Variants in BID observed in about 807,000 individuals in gnomAD.
BID encodes the protein BH3 interacting domain death agonist.
BID carries 19 observed loss-of-function variants against 17.4 expected under a neutral mutation model. That is an observed-to-expected ratio of 1.09 (90% CI 0.76 to 1.60). BID has a LOEUF of 1.60. BID is among the 40% of genes most tolerant of loss of function. BID has a pLI of 0.00. For synonymous variants in BID, 108 were observed against 102.8 expected, an observed-to-expected ratio of 1.05 and a Z score of -0.31; for missense variants, 226 against 256.0, an observed-to-expected ratio of 0.88 and a Z score of 0.80.
chr22:17,739,647 GGCTGAGTACCAGCGCTGA>G, intron 3 of BID, 159 bp from the exon 4 acceptor site: 1 of 993,286 alleles, frequency 1.0e-6, no homozygotes, highest in Non-Finnish European at 1.5e-6. Context: ...ACAGCGGGCG[GGCTGAGTACCAGCGCTGA>G]GCTGGGTTCT....
chr22:17,753,872 C>T (rs139038748), intron 1 of BID, among the ~76,000 whole-genome samples: 8 of 152,360 alleles, frequency 5.3e-5, no homozygotes, highest in African/African-American at 7.2e-5. Context: ...GGTGAGGTGC[C>T]GAGCCCTGCA....
intron 1 of BID, among the ~76,000 whole-genome samples, chr22:17,766,697 C>G (rs188766295): frequency 1.3e-5 from 2 of 152,136 alleles, no homozygotes; most frequent in Non-Finnish European, 2.9e-5. Flanking sequence ...TCACGCCATT[C>G]TCCTGCCTCA....
At position 17,741,566 on chromosome 22, in the gene BID, CG is replaced by C. The variant is rs570543192; in HGVS notation, c.224-2079del. On this transcript the variant is annotated intron_variant, in intron 3 of 5. Coordinates refer to ENST00000622694, the MANE Select transcript of BID (RefSeq NM_001196.4). ...TCAGCTCACTGCAACCTCCGCTTCC[CG>C]GGTTCAAACAATTCTCTACCTCAGC... 6.6e-5 allele frequency among the ~76,000 whole-genome samples: 10 copies of C among 152,052 alleles called. No homozygotes were observed. The South Asian group carries it at 2.1e-3, about 32-fold the overall frequency.
chr22:17,768,942 TGA>T (rs2061698933), intron 1 of BID, among the ~76,000 whole-genome samples: 1 of 146,156 alleles, frequency 6.8e-6, no homozygotes, highest in South Asian at 2.1e-4. Context: ...CTCAGGAGGC[TGA>T]GACAGGAGAA....
intron 2 of BID, among the ~76,000 whole-genome samples, chr22:17,744,462 C>G (rs1033270536): frequency 3.3e-5 from 5 of 152,360 alleles, no homozygotes; most frequent in African/African-American, 1.2e-4. Context: ...ACAGGCGGAG[C>G]CTCTTTCCGC....
In BID at chr22:17,738,006, A is replaced by C; in HGVS notation, c.576+11T>G. The C allele has an allele frequency of 6.2e-7, 1 of 1,613,728 alleles. No homozygotes were observed. ...GCAGGCAGGGAAGGAGCTGACCTCA[A>C]GGGTTCTTACATTTCTGGCTAAGCT... On this transcript the variant is annotated intron_variant, in intron 5 of 5. Coordinates refer to ENST00000622694, the MANE Select transcript of BID (RefSeq NM_001196.4).
chr22:17,749,190 G>C (rs181275376), intron 2 of BID, among the ~76,000 whole-genome samples: 107 of 152,290 alleles, frequency 7.0e-4, no homozygotes, highest in African/African-American at 2.3e-3. Flanking sequence ...GCAGGAGGGA[G>C]GGGAGGAGGA....
intron 1 of BID, among the ~76,000 whole-genome samples, chr22:17,766,320 C>T (rs1177635761): frequency 1.5e-5 from 2 of 135,116 alleles, no homozygotes; most frequent in East Asian, 2.1e-4. Context: ...CTCACTTTGT[C>T]GCCCAGGCTG....
intron 1 of BID, among the ~76,000 whole-genome samples, chr22:17,767,293 C>G (rs914409595): frequency 4.0e-5 from 6 of 151,850 alleles, no homozygotes; most frequent in African/African-American, 1.5e-4. Context: ...TTCTGGAAAT[C>G]TTAGAAATAT....
In BID at chr22:17,734,294, CTGA is replaced by C. The variant is rs1396533005; in HGVS notation, c.*1283_*1285del. 2.0e-5 allele frequency: 3 copies of C among 150,154 alleles called. No homozygotes were observed. The highest frequency in any genetic ancestry group is 7.3e-5 in the African/African-American group (3 of 41,376). 9.3% of individuals were successfully genotyped at this position (150,154 alleles called of 1,614,324 possible). A position where few individuals can be genotyped will look rare whatever the true frequency, so the allele number is the denominator to read the frequency against. On this transcript the variant is annotated 3_prime_UTR_variant, in exon 6 of 6. Coordinates refer to ENST00000622694, the MANE Select transcript of BID (RefSeq NM_001196.4). The stretch of plus-strand genomic sequence containing the variant: ...ACAATATAGAGTTTGTTTTTCCTTT[CTGA>C]TGATTTTAAACTCTTAAAGAACAGG...
At chr22:17,746,313 A>G (rs2145884157) in intron 2 of BID, among the ~76,000 whole-genome samples, 1 of 152,344 alleles carries the variant, frequency 6.6e-6, no homozygotes, top group African/African-American at 2.4e-5. Context: ...TTCCCATGTG[A>G]CAAACATGTA....
chr22:17,757,721 A>G (rs988546751), intron 1 of BID, among the ~76,000 whole-genome samples: 3 of 151,836 alleles, frequency 2.0e-5, no homozygotes, highest in Non-Finnish European at 4.4e-5. Context: ...AAAAAAAAAA[A>G]AAAGAAAAAA....
intron 2 of BID, among the ~76,000 whole-genome samples, chr22:17,748,576 A>C (rs932988007): frequency 1.3e-5 from 2 of 152,218 alleles, no homozygotes; most frequent in Non-Finnish European, 2.9e-5. Flanking sequence ...AAAAAGGCTG[A>C]ACCCTATAAT....
At chr22:17,762,596 G>A (rs903924393) in intron 1 of BID, among the ~76,000 whole-genome samples, 2 of 37,454 alleles carry the variant, frequency 5.3e-5, no homozygotes, top group Non-Finnish European at 8.4e-5. Flanking sequence ...TGTCAAGCAG[G>A]CTAGAGTGCA....
chr22:17,735,432 T>TTGTC lies in BID; in HGVS notation c.*144_*147dup. ...TTTAAAGTGGGTTATAAGTTTAACATTGTCTTTAAAATAGAAGTCACAGCT... is the reference window on the plus strand; with the variant it reads ...TTTAAAGTGGGTTATAAGTTTAACATTGTCTGTCTTTAAAATAGAAGTCACAGCT... On this transcript the variant is annotated 3_prime_UTR_variant, in exon 6 of 6. Coordinates refer to ENST00000622694, the MANE Select transcript of BID (RefSeq NM_001196.4). The TTGTC allele has an allele frequency of 1.2e-6, 1 of 826,664 alleles. No individual in the cohort carries two copies. Among genetic ancestry groups the TTGTC allele is most frequent in the Non-Finnish European group, 1.9e-6 (1 of 516,244 alleles). 51.2% of individuals were successfully genotyped at this position (826,664 alleles called of 1,614,324 possible).
intron 3 of BID, among the ~76,000 whole-genome samples, chr22:17,742,840 A>G (rs950998290): frequency 6.6e-6 from 1 of 152,132 alleles, no homozygotes; most frequent in African/African-American, 2.4e-5. Flanking sequence ...GAAGTGGGTG[A>G]GCCTCCACTC....
rs1161178131 is a variant in BID at position 17,769,069 on chromosome 22, A to C, written c.-59+5312T>G. Among the ~76,000 whole-genome samples, 1 of 151,298 alleles carries C rather than the reference A, an allele frequency of 6.6e-6. No individual in the cohort carries two copies. Among genetic ancestry groups the C allele is most frequent in the East Asian group, 1.9e-4 (1 of 5,186 alleles). ...AATAAATAAATAAATAAATAAATAAATAAATAATAACTAAATAAATAAAGA... is the reference window on the plus strand; with the variant it reads ...AATAAATAAATAAATAAATAAATAACTAAATAATAACTAAATAAATAAAGA... On this transcript the variant is annotated intron_variant, in intron 1 of 5. Coordinates refer to ENST00000622694, the MANE Select transcript of BID (RefSeq NM_001196.4). This position sits in a 1 kb window ranked among gnomAD's most constrained non-coding sequence, Gnocchi z 4.8.
At position 17,738,264 on chromosome 22, in the gene BID, A is replaced by G. The variant is rs776498658; in HGVS notation, c.364-35T>C. The G allele has an allele frequency of 5.9e-5, 94 of 1,580,744 alleles. No individual in the cohort carries two copies. In the South Asian group the frequency reaches 6.6e-4, roughly 11 times the overall value. ...GGGGCACACAGAACCTGGTTTACTA[A>G]TACTCTTCCCTCTCAAAGGAAAGAC... On this transcript the variant is annotated intron_variant, in intron 4 of 5. Coordinates refer to ENST00000622694, the MANE Select transcript of BID (RefSeq NM_001196.4).
chr22:17,743,313 G>C (rs2061473635), intron 3 of BID, among the ~76,000 whole-genome samples: 1 of 152,206 alleles, frequency 6.6e-6, no homozygotes, highest in Admixed American at 6.5e-5. Context: ...GCCACCTGGG[G>C]GCTTTGCCCA....
Sources: allele counts gnomAD v4.1 joint callset (sites outside exome capture counted in the v4.1 genomes callset), GRCh38; gene constraint gnomAD v4.1.1; non-coding constraint Gnocchi (gnomAD v3.1); transcripts MANE v1.5; gene names NCBI Gene and HGNC (gene_info 2026-07-23, HGNC 2026-07-21).